RAD51C: variants seen among roughly 807,000 people sequenced by gnomAD.
The protein encoded by RAD51C is RAD51 paralog C.
RAD51C carries 42 observed loss-of-function variants against 45.0 expected under a neutral mutation model. The observed-to-expected ratio is 0.93, with a 90% confidence interval of 0.73 to 1.21. The LOEUF (loss-of-function observed/expected upper bound fraction) is 1.21. Among genes scored for constraint, RAD51C ranks in the 50% most tolerant of loss-of-function variants. The pLI is 0.00. For synonymous variants in RAD51C, 172 were observed against 159.8 expected (o/e 1.08, Z -0.58); for missense variants, 474 against 452.2 (o/e 1.05, Z -0.44).
chr17:58,726,934 C>T (rs2049178574), intron 7 of RAD51C, among the ~76,000 whole-genome samples: 2 of 151,916 alleles, frequency 1.3e-5, no homozygotes, highest in Admixed American at 1.3e-4. Context: ...CATTCTCCTG[C>T]CTCAGCCTCC....
chr17:58,712,692 C>T (rs909734666), intron 5 of RAD51C, among the ~76,000 whole-genome samples: 12 of 151,742 alleles, frequency 7.9e-5, no homozygotes, highest in Admixed American at 2.0e-4. Context: ...TGATGGCGGG[C>T]GCCTGTAATT....
intron 1 of RAD51C, chr17:58,693,166 G>A (rs937975194): frequency 3.1e-5 from 8 of 258,574 alleles, no homozygotes; most frequent in Non-Finnish European, 5.3e-5. Flanking sequence ...GTCAGAATTG[G>A]TTGTCTAATT....
In RAD51C at chr17:58,692,656, A is replaced by C. The variant is rs1314517659; in HGVS notation, c.13A>C (p.Thr5Pro). 1 of 1,614,196 alleles carries C rather than the reference A, an allele frequency of 6.2e-7. No individual in the cohort carries two copies. The change falls in exon 1 of 9, where the codon ACG becomes CCG. Residue 5 changes from threonine (T) to proline (P), a missense_variant. Physicochemically the swap from Thr to Pro is conservative, Grantham distance 38 (BLOSUM62 -1). Transcript: ENST00000337432. ...AGGTGAGCCTGCGATGCGCGGGAAG[A>C]CGTTCCGCTTTGAAATGCAGCGGGA... The part of the protein sequence containing the change: MRGK[T>P]FRFEMQRDLV...
intron 8 of RAD51C, 85 bp from the exon 9 acceptor site, chr17:58,734,033 T>C: frequency 6.5e-7 from 1 of 1,535,344 alleles, no homozygotes; most frequent in Non-Finnish European, 8.8e-7. Flanking sequence ...AAAGTAGCTT[T>C]CTTATTAGTT....
At chr17:58,701,864 C>CA (rs1362489657) in intron 3 of RAD51C, among the ~76,000 whole-genome samples, 1 of 152,048 alleles carries the variant, frequency 6.6e-6, no homozygotes, top group African/African-American at 2.4e-5. Flanking sequence ...CGCCCAGCCT[C>CA]AAACTGTTTG....
chr17:58,699,442 C>T (rs1481228995), intron 3 of RAD51C, among the ~76,000 whole-genome samples: 1 of 151,178 alleles, frequency 6.6e-6, no homozygotes, highest in Non-Finnish European at 1.5e-5. Flanking sequence ...GTGTAGTCAG[C>T]TGGATTTTTT....
Position 58,734,154 on chromosome 17 carries a change from T to C in RAD51C, c.1063T>C (p.Cys355Arg), listed in dbSNP as rs587782426. The change falls in exon 9 of 9, where the codon TGT (cysteine) becomes CGT (arginine). Residue 355 changes from cysteine (C) to arginine (R), a missense_variant. Physicochemically the swap from Cys to Arg is radical, Grantham distance 180. Coordinates refer to ENST00000337432, the MANE Select transcript of RAD51C (RefSeq NM_058216.3). ...TAGAGATACTGTTGTTACTTCTGCA[T>C]GTTCATTGCAAACAGAAGGTTCCTT... ...GFRDTVVTSA[C>R]SLQTEGSLST... The C allele has an allele frequency of 1.9e-6, 3 of 1,613,750 alleles. No individual in the cohort carries two copies. Among genetic ancestry groups the C allele is most frequent in the South Asian group, 1.1e-5 (1 of 90,984 alleles).
At chr17:58,717,036 T>A (rs901710394) in intron 5 of RAD51C, among the ~76,000 whole-genome samples, 11 of 152,066 alleles carry the variant, frequency 7.2e-5, no homozygotes, top group Non-Finnish European at 1.6e-4. Context: ...TCTGACCTCG[T>A]GATCCGCCCG....
At chr17:58,692,882 G>C (rs2047830112) in intron 1 of RAD51C, 94 bp downstream of exon 1, 2 of 1,571,962 alleles carry the variant, frequency 1.3e-6, no homozygotes, top group East Asian at 4.5e-5. Context: ...CCCAGTCTCC[G>C]TTAGATTCTG....
chr17:58,708,718 TG>T (rs2048454677), intron 4 of RAD51C, among the ~76,000 whole-genome samples: 1 of 152,004 alleles, frequency 6.6e-6, no homozygotes, highest in African/African-American at 2.4e-5. Context: ...GGCTTTCTTT[TG>T]AAAGGGTTTT....
At chr17:58,724,564 G>GTT (rs565976903) in intron 7 of RAD51C, among the ~76,000 whole-genome samples, 2 of 145,824 alleles carry the variant, frequency 1.4e-5, no homozygotes, top group Non-Finnish European at 3.0e-5. Flanking sequence ...AATTGTGTCT[G>GTT]TTTTTTTTTT....
At position 58,718,602 on chromosome 17, in the gene RAD51C, T is replaced by C. The variant is rs372087379; in HGVS notation, c.838-2144T>C. 3.0e-4 allele frequency among the ~76,000 whole-genome samples: 46 copies of C among 152,318 alleles called. No individual in the cohort carries two copies. In the South Asian group the frequency reaches 9.1e-3, roughly 30 times the overall value. On this transcript the variant is annotated intron_variant, in intron 5 of 8. Coordinates refer to ENST00000337432, the MANE Select transcript of RAD51C (RefSeq NM_058216.3). Reference sequence around the variant, plus strand: ...AGGTCAGTATTTATACAAAGAGAATTAGCAATATGAAACCTTGAGGGCCAT... The same window carrying C: ...AGGTCAGTATTTATACAAAGAGAATCAGCAATATGAAACCTTGAGGGCCAT...
rs2143744883 is a variant in RAD51C at position 58,696,733 on chromosome 17, G to T, written c.445G>T (p.Gly149Ter). 6.2e-7 allele frequency: 1 copy of T among 1,614,176 alleles called. No individual in the cohort carries two copies. Among genetic ancestry groups the T allele is most frequent in the South Asian group, 1.1e-5 (1 of 91,088 alleles). The change falls in exon 3 of 9, where the codon GGA becomes TGA. Residue 149 changes from glycine (G) to a stop codon, truncating the protein, a stop_gained. Transcript: ENST00000337432. LOFTEE classifies it high-confidence loss of function. ...AVDVQIPECFGGVAGEAVFID... is the reference protein window; with the variant it reads ...AVDVQIPECF ...AGATGTGCAGATACCAGAATGTTTT[G>T]GAGGAGTGGCAGGTGAAGCAGTTTT...
At chr17:58,696,990 C>A in intron 3 of RAD51C, 131 bp downstream of exon 3, 1 of 1,099,604 alleles carries the variant, frequency 9.1e-7, no homozygotes, top group Non-Finnish European at 1.3e-6. Flanking sequence ...TAGTGTTAAA[C>A]TCTTTTACTA....
Position 58,692,703 on chromosome 17 carries a change from T to G in RAD51C, c.60T>G (p.Ser20=), listed in dbSNP as rs565398047. The change falls in exon 1 of 9, where the codon TCT becomes TCG. Residue 20 remains serine, a synonymous_variant. Transcript: ENST00000337432. The part of the protein sequence containing the change: ...MQRDLVSFPL[S]PAVRVKLVSA... ...GGGATTTGGTGAGTTTCCCGCTGTC[T>G]CCAGCGGTGCGGGTGAAGCTGGTGT... 6.2e-7 allele frequency: 1 copy of G among 1,614,222 alleles called. No individual in the cohort carries two copies. Among genetic ancestry groups the G allele is most frequent in the South Asian group, 1.1e-5 (1 of 91,080 alleles).
At chr17:58,729,806 A>C (rs1226468418) in intron 7 of RAD51C, among the ~76,000 whole-genome samples, 4 of 151,476 alleles carry the variant, frequency 2.6e-5, no homozygotes, top group Non-Finnish European at 5.9e-5. Context: ...GCCTGACCTC[A>C]AGTGACCTGC....
chr17:58,734,557 C>A lies in RAD51C; in HGVS notation c.*335C>A. ...TTTCTTTCCCAGTTGCCTATAAAAT[C>A]TTAGGAAGAAACATATCATATTCTT... On this transcript the variant is annotated 3_prime_UTR_variant, in exon 9 of 9. Coordinates refer to ENST00000337432, the MANE Select transcript of RAD51C (RefSeq NM_058216.3). 1 of 267,946 alleles carries A rather than the reference C, an allele frequency of 3.7e-6. No individual in the cohort carries two copies. The allele number at this position is 267,946 out of a possible 1,614,324, so 16.6% of individuals were successfully genotyped here.
chr17:58,715,158 A>G (rs1229073427), intron 5 of RAD51C, among the ~76,000 whole-genome samples: 1 of 151,932 alleles, frequency 6.6e-6, no homozygotes, highest in Non-Finnish European at 1.5e-5. Flanking sequence ...AAAAAACAAA[A>G]AACCTCTTTT....
intron 4 of RAD51C, among the ~76,000 whole-genome samples, chr17:58,707,605 T>G (rs2048418686): frequency 2.0e-5 from 3 of 152,142 alleles, no homozygotes; most frequent in Admixed American, 2.0e-4. Context: ...CCTTTGCTTA[T>G]TACCCAATTT....
Sources: allele counts gnomAD v4.1 joint callset (sites outside exome capture counted in the v4.1 genomes callset), GRCh38; gene constraint gnomAD v4.1.1; transcripts MANE v1.5; gene names NCBI Gene and HGNC (gene_info 2026-07-23, HGNC 2026-07-21).